The following GPHN variants were observed in gnomAD, a reference collection of about 807,000 sequenced individuals.
GPHN encodes gephyrin.
GPHN carries 17 observed loss-of-function variants against 95.5 expected under a neutral mutation model. That is an observed-to-expected ratio of 0.18 (90% CI 0.12 to 0.27). GPHN has a LOEUF of 0.27. Ranked by LOEUF, GPHN falls within the 10% of genes least tolerant of loss-of-function variation. The pLI is 1.00. For missense variants in GPHN, 660 were observed against 978.1 expected (o/e 0.67, Z 4.34); for synonymous variants, 320 against 322.5 (o/e 0.99, Z 0.08).
chr14:66,642,150 A>T (rs1276935950), intron 1 of GPHN, among the ~76,000 whole-genome samples: 1 of 152,176 alleles, frequency 6.6e-6, no homozygotes, highest in Non-Finnish European at 1.5e-5. Context: ...ACCTGTGAAT[A>T]TGTCACATTA....
At chr14:66,790,489 G>A (rs1231358319) in intron 3 of GPHN, among the ~76,000 whole-genome samples, 1 of 152,170 alleles carries the variant, frequency 6.6e-6, no homozygotes, top group African/African-American at 2.4e-5. Context: ...GCTTTTAAAT[G>A]CTCAAGATAA....
intron 19 of GPHN, among the ~76,000 whole-genome samples, chr14:67,164,504 T>C (rs2082158547): frequency 1.3e-5 from 2 of 151,848 alleles, no homozygotes; most frequent in African/African-American, 4.8e-5. Flanking sequence ...TCTGCTTTCT[T>C]TTTTTTTGAG....
intron 11 of GPHN, among the ~76,000 whole-genome samples, chr14:67,087,956 GGTTATGACTCCT>G (rs2076977999): frequency 6.6e-6 from 1 of 151,950 alleles, no homozygotes; most frequent in Admixed American, 6.6e-5. Context: ...TTCAGGAATT[GGTTATGACTCCT>G]GAAACTTTTA....
the GPHN span, chr14:67,352,952 A>G: frequency 6.2e-7 from 1 of 1,612,746 alleles, no homozygotes; most frequent in Non-Finnish European, 8.5e-7. Flanking sequence ...ATCTGTCGAA[A>G]TCGAAGAGTT....
At chr14:66,765,755 A>G (rs576531130) in intron 2 of GPHN, among the ~76,000 whole-genome samples, 1 of 152,280 alleles carries the variant, frequency 6.6e-6, no homozygotes, top group African/African-American at 2.4e-5. Flanking sequence ...GTACTACTGA[A>G]ACAGAAAAAA....
At chr14:67,523,231 G>A in the GPHN span, among the ~76,000 whole-genome samples, 1 of 152,064 alleles carries the variant, frequency 6.6e-6, no homozygotes, top group Admixed American at 6.5e-5. Context: ...GCTAAGGCAG[G>A]GAGAATTGCT....
the GPHN span, chr14:67,701,760 CT>C: frequency 6.6e-6 from 1 of 152,000 alleles, no homozygotes; most frequent in Non-Finnish European, 1.5e-5. Flanking sequence ...CATGTTTGAA[CT>C]TTTGTTTTGC....
At chr14:67,480,650 C>T in the GPHN span, among the ~76,000 whole-genome samples, 3 of 152,278 alleles carry the variant, frequency 2.0e-5, no homozygotes, top group Middle Eastern at 3.4e-3. Context: ...ACTCAGGCCC[C>T]ATGACCTGCA....
chr14:66,766,862 C>G (rs939184527), intron 2 of GPHN, among the ~76,000 whole-genome samples: 12 of 151,986 alleles, frequency 7.9e-5, no homozygotes, highest in African/African-American at 2.9e-4. Flanking sequence ...TTAATCTTGC[C>G]TCTGCTTCCA....
chr14:66,581,150 A>G (rs2061149111), intron 1 of GPHN, among the ~76,000 whole-genome samples: 1 of 151,708 alleles, frequency 6.6e-6, no homozygotes, highest in African/African-American at 2.4e-5. Context: ...TATAGAGGGA[A>G]TGTACCTGAA....
At chr14:67,412,681 A>G in the GPHN span, among the ~76,000 whole-genome samples, 3 of 152,294 alleles carry the variant, frequency 2.0e-5, no homozygotes, top group East Asian at 5.8e-4. Flanking sequence ...AAATTCCATC[A>G]TTAAGGACAA....
At chr14:66,743,700 C>G (rs903402125) in intron 2 of GPHN, among the ~76,000 whole-genome samples, 7 of 152,302 alleles carry the variant, frequency 4.6e-5, no homozygotes, top group African/African-American at 4.8e-5. Flanking sequence ...GGAGATCGCG[C>G]CACTGCACTC....
chr14:67,033,831 G>A (rs1210639934), intron 10 of GPHN, among the ~76,000 whole-genome samples: 2 of 152,138 alleles, frequency 1.3e-5, no homozygotes, highest in East Asian at 1.9e-4. Flanking sequence ...AAAGGAGCAA[G>A]AGAAAAGTAA....
the GPHN span, among the ~76,000 whole-genome samples, chr14:67,349,405 G>C: frequency 3.3e-4 from 50 of 152,304 alleles, no homozygotes; most frequent in East Asian, 1.7e-3. Flanking sequence ...ATAACTTTAA[G>C]GATTCTTCTG....
At chr14:66,982,897 T>C (rs1283734505) in intron 9 of GPHN, among the ~76,000 whole-genome samples, 1 of 152,188 alleles carries the variant, frequency 6.6e-6, no homozygotes, top group African/African-American at 2.4e-5. Context: ...GTAAAGTCAT[T>C]CATCTTATCT....
intron 1 of GPHN, among the ~76,000 whole-genome samples, chr14:66,623,575 GC>G (rs2063398129): frequency 1.4e-5 from 2 of 146,914 alleles, no homozygotes; most frequent in South Asian, 4.3e-4. Context: ...CTGAGATTGT[GC>G]CACTGTGCTC....
the GPHN span, among the ~76,000 whole-genome samples, chr14:67,425,009 G>A: frequency 6.6e-6 from 1 of 152,138 alleles, no homozygotes; most frequent in Non-Finnish European, 1.5e-5. Flanking sequence ...ATTCCAACTG[G>A]TTCACCTGCT....
At chr14:66,711,089 T>C (rs1389197136) in intron 2 of GPHN, among the ~76,000 whole-genome samples, 3 of 152,162 alleles carry the variant, frequency 2.0e-5, no homozygotes, top group Non-Finnish European at 2.9e-5. Flanking sequence ...CAGGTGGTGT[T>C]TGGTTACGTG....
chr14:67,023,424 T>G (rs780907760), intron 9 of GPHN, among the ~76,000 whole-genome samples: 1 of 152,058 alleles, frequency 6.6e-6, no homozygotes, highest in Non-Finnish European at 1.5e-5. Flanking sequence ...GTACCCCGAA[T>G]TTTTTTCTGG....
Sources: allele counts gnomAD v4.1 joint callset (sites outside exome capture counted in the v4.1 genomes callset), GRCh38; gene constraint gnomAD v4.1.1; transcripts MANE v1.5; gene names NCBI Gene and HGNC (gene_info 2026-07-23, HGNC 2026-07-21).